NNT: variants seen among roughly 807,000 people sequenced by gnomAD.
NNT encodes the protein NAD(P) transhydrogenase, mitochondrial.
In NNT, 50 loss-of-function variants were observed where a neutral mutation model predicts 104.8. The observed-to-expected ratio is 0.48, with a 90% CI of 0.38 to 0.60. The LOEUF (loss-of-function observed/expected upper bound fraction) is 0.60, where lower values mean the gene tolerates loss of function less well. NNT is among the 20% of genes least tolerant of loss of function. The probability of loss-of-function intolerance (pLI) is 0.00; values close to 1 mark genes in which losing one functional copy is unlikely to be tolerated. For missense variants in NNT, 1,131 were observed against 1,330.7 expected (o/e 0.85, Z 2.33); for synonymous variants, 461 against 490.4 (o/e 0.94, Z 0.79).
intron 7 of NNT, among the ~76,000 whole-genome samples, chr5:43,643,373 A>AG (rs1751337578): frequency 6.6e-6 from 1 of 152,232 alleles, no homozygotes; most frequent in African/African-American, 2.4e-5. Flanking sequence ...AAAAGTCCTA[A>AG]GGTCTGGGTT....
At position 43,621,284 on chromosome 5, in the gene NNT, T is replaced by G. The variant is rs578256696; in HGVS notation, c.687+2165T>G. Among the ~76,000 whole-genome samples the G allele has an allele frequency of 1.6e-4, 24 of 152,324 alleles. No individual in the cohort carries two copies. The South Asian group carries it at 5.0e-3, about 32-fold the overall frequency. The stretch of plus-strand genomic sequence containing the variant: ...TTTATTTTTTTGGCTCATCAGCAAT[T>G]GTTGGTGTTAGCTAGTGTATTTTAT... On this transcript the variant is annotated intron_variant, in intron 5 of 21. Coordinates refer to ENST00000344920, the MANE Select transcript of NNT (RefSeq NM_182977.3).
intron 3 of NNT, among the ~76,000 whole-genome samples, chr5:43,615,417 G>T (rs1361478740): frequency 1.3e-5 from 2 of 152,198 alleles, no homozygotes; most frequent in African/African-American, 4.8e-5. Flanking sequence ...AATTATTCAT[G>T]CTTGCCAAAA....
Position 43,625,504 on chromosome 5 carries a change from T to C in NNT, c.776+1384T>C, listed in dbSNP as rs143418548. Reference sequence around the variant, plus strand: ...CTCTAGTCACTATTTTGAGATGGGTTTGGTTTCATATTATAAATATGAAAT... The same window carrying C: ...CTCTAGTCACTATTTTGAGATGGGTCTGGTTTCATATTATAAATATGAAAT... On this transcript the variant is annotated intron_variant, in intron 6 of 21. Coordinates refer to ENST00000344920, the MANE Select transcript of NNT (RefSeq NM_182977.3). Among the ~76,000 whole-genome samples the C allele has an allele frequency of 2.0e-3, 301 of 152,264 alleles. 3 individuals carry two copies. Among genetic ancestry groups the C allele is most frequent in the Non-Finnish European group, 3.8e-3 (256 of 67,974 alleles).
At chr5:43,613,246 A>G in intron 3 of NNT, 109 bp downstream of exon 3, 1 of 848,344 alleles carries the variant, frequency 1.2e-6, no homozygotes, top group Admixed American at 3.0e-5. Context: ...CTATTTTCAA[A>G]CAGTGTATTT....
At chr5:43,651,668 A>C (rs761499447) in intron 12 of NNT, 71 bp from the exon 13 acceptor site, 8 of 1,498,240 alleles carry the variant, frequency 5.3e-6, no homozygotes, top group Non-Finnish European at 7.4e-6. Flanking sequence ...AAATTGTAGC[A>C]CTTTAAAAAA....
At chr5:43,605,522 CAAAAAA>C (rs70997416) in intron 1 of NNT, among the ~76,000 whole-genome samples, 367 of 37,736 alleles carry the variant, frequency 9.7e-3, no homozygotes, top group African/African-American at 0.032. Context: ...GACTCCGTCT[CAAAAAA>C]AAAAAAAAAA....
chr5:43,674,176 C>T (rs755451098), intron 17 of NNT, among the ~76,000 whole-genome samples: 21 of 152,022 alleles, frequency 1.4e-4, no homozygotes, highest in Non-Finnish European at 2.4e-4. Context: ...GTCTGATAAA[C>T]GAGTTTAGAT....
chr5:43,679,163 C>A (rs1741574404), intron 19 of NNT, among the ~76,000 whole-genome samples: 1 of 152,138 alleles, frequency 6.6e-6, no homozygotes, highest in East Asian at 1.9e-4. Flanking sequence ...CTTTTTAAAG[C>A]CATCATTTTG....
rs180902910 is a variant in NNT, at chr5:43,645,945, C to T, written c.1444+435C>T. On this transcript the variant is annotated intron_variant, in intron 10 of 21. Transcript: ENST00000344920. ...AACCAGGATGGTCTCGATCTCCTGA[C>T]CTCGTGATCTGCCCGCCTCAGCCTC... Among the ~76,000 whole-genome samples, 556 of 151,552 alleles carry T rather than the reference C, an allele frequency of 3.7e-3. 8 individuals carry two copies. The highest frequency in any genetic ancestry group is 0.013 in the African/African-American group (529 of 41,328).
chr5:43,628,830 G>A (rs941492970), intron 7 of NNT, among the ~76,000 whole-genome samples: 11 of 152,094 alleles, frequency 7.2e-5, no homozygotes, highest in South Asian at 2.1e-4. Context: ...CAGGTGATCC[G>A]CCCGCCTTGG....
At chr5:43,699,157 A>G (rs1298802036) in intron 19 of NNT, among the ~76,000 whole-genome samples, 1 of 152,082 alleles carries the variant, frequency 6.6e-6, no homozygotes, top group East Asian at 1.9e-4. Flanking sequence ...ATCTGTGGTC[A>G]AAAGAAGTTG....
intron 12 of NNT, among the ~76,000 whole-genome samples, chr5:43,651,472 G>C (rs1349724624): frequency 6.6e-6 from 1 of 152,058 alleles, no homozygotes; most frequent in Non-Finnish European, 1.5e-5. Context: ...CAGCCACTCG[G>C]GGGGCTGAGG....
In NNT at chr5:43,609,363, G is replaced by C; in HGVS notation, c.151+17G>C. On this transcript the variant is annotated intron_variant, in intron 2 of 21. Transcript: ENST00000344920. ...TAAAACCAGGTAAAGTCTCACTTCA[G>C]TGATTGTAAATGAAACCTTCAAGTC... 6.2e-7 allele frequency: 1 copy of C among 1,612,064 alleles called. No homozygotes were observed. The highest frequency in any genetic ancestry group is 8.5e-7 in the Non-Finnish European group (1 of 1,178,878).
chr5:43,669,177 T>G lies in NNT; in HGVS notation c.2635-6334T>G, dbSNP rs1475938652. On this transcript the variant is annotated intron_variant, in intron 17 of 21. Coordinates refer to ENST00000344920, the MANE Select transcript of NNT (RefSeq NM_182977.3). ...GTTGCTTATCAGCTTAAGGAGATTT[T>G]GGGCTGAGACAATGGGGTTTTCTAG... Among the ~76,000 whole-genome samples the G allele has an allele frequency of 4.6e-5, 7 of 152,260 alleles. No individual in the cohort carries two copies. In the East Asian group the frequency reaches 5.8e-4, roughly 13 times the overall value.
chr5:43,643,258 C>T (rs1307223145), intron 7 of NNT, among the ~76,000 whole-genome samples: 1 of 152,158 alleles, frequency 6.6e-6, no homozygotes, highest in East Asian at 1.9e-4. Context: ...AAGTTTATTT[C>T]CGTTATCTTT....
intron 10 of NNT, among the ~76,000 whole-genome samples, chr5:43,646,498 C>T (rs1393576723): frequency 1.3e-5 from 2 of 151,360 alleles, no homozygotes; most frequent in African/African-American, 2.4e-5. Flanking sequence ...GGGGCTTCAC[C>T]GTGTTGCCCA....
At chr5:43,684,725 G>T (rs558043614) in intron 19 of NNT, among the ~76,000 whole-genome samples, 1 of 150,980 alleles carries the variant, frequency 6.6e-6, no homozygotes, top group South Asian at 2.1e-4. Flanking sequence ...TAAAATGATT[G>T]CTTAAAAAAA....
chr5:43,608,286 G>A (rs1404991483), intron 1 of NNT, among the ~76,000 whole-genome samples: 3 of 152,274 alleles, frequency 2.0e-5, no homozygotes, highest in Non-Finnish European at 4.4e-5. Flanking sequence ...GGAATTATGG[G>A]GACAGTGGGA....
intron 19 of NNT, among the ~76,000 whole-genome samples, chr5:43,690,119 C>G (rs1478621588): frequency 6.6e-6 from 1 of 152,070 alleles, no homozygotes; most frequent in African/African-American, 2.4e-5. Flanking sequence ...GAAAACCCCC[C>G]TGGCCTTGCT....
Sources: allele counts gnomAD v4.1 joint callset (sites outside exome capture counted in the v4.1 genomes callset), GRCh38; gene constraint gnomAD v4.1.1; transcripts MANE v1.5; gene names NCBI Gene and HGNC (gene_info 2026-07-23, HGNC 2026-07-21).